The following SRRD variants were observed in gnomAD, a reference collection of about 807,000 sequenced individuals.
The protein encoded by SRRD is SRR1 domain containing.
A neutral mutation model predicts 30.7 loss-of-function variants in SRRD; 28 were observed. The observed-to-expected ratio is 0.91, with a 90% CI of 0.68 to 1.25. SRRD has a LOEUF of 1.25. SRRD is among the 50% of genes most tolerant of loss of function. The probability of loss-of-function intolerance (pLI) is 0.00; values close to 1 mark genes in which losing one functional copy is unlikely to be tolerated. For synonymous variants in SRRD, 161 were observed against 159.6 expected (o/e 1.01, Z -0.07); for missense variants, 415 against 417.3 (o/e 0.99, Z 0.05).
At position 26,491,817 on chromosome 22, in the gene SRRD, CAT is replaced by C. The variant is rs1329208117; in HGVS notation, c.*146_*147del. ...GTCCTGTTTTGAGGACGATACCCCACATGAGGACTTGGTATAAAGATTCCTGC... is the reference window on the plus strand; with the variant it reads ...GTCCTGTTTTGAGGACGATACCCCACGAGGACTTGGTATAAAGATTCCTGC... On this transcript the variant is annotated 3_prime_UTR_variant, in exon 7 of 7. Coordinates refer to ENST00000215917, the MANE Select transcript of SRRD (RefSeq NM_001013694.3). 3.3e-6 allele frequency: 3 copies of C among 919,354 alleles called. No individual in the cohort carries two copies. Among genetic ancestry groups the C allele is most frequent in the Non-Finnish European group, 4.8e-6 (3 of 622,750 alleles). The allele number at this position is 919,354 out of a possible 1,614,324, so 56.9% of individuals were successfully genotyped here. A position where few individuals can be genotyped will look rare whatever the true frequency, so the allele number is the denominator to read the frequency against.
intron 6 of SRRD, 156 bp downstream of exon 6, chr22:26,491,226 C>G (rs1921131501): frequency 1.3e-6 from 1 of 798,630 alleles, no homozygotes; most frequent in Non-Finnish European, 2.0e-6. Flanking sequence ...AGCTATGACT[C>G]TTTAATGCAT....
intron 4 of SRRD, 78 bp from the exon 5 acceptor site, chr22:26,489,966 C>G (rs1402838175): frequency 7.9e-6 from 12 of 1,519,440 alleles, no homozygotes; most frequent in Non-Finnish European, 9.9e-6. Context: ...ATGATTATCC[C>G]CATCCTTACC....
intron 4 of SRRD, among the ~76,000 whole-genome samples, chr22:26,489,780 T>A (rs1920982683): frequency 6.6e-6 from 1 of 152,174 alleles, no homozygotes; most frequent in Admixed American, 6.5e-5. Context: ...AGCCCCTCCA[T>A]CAGTGCAGGG....
Position 26,491,590 on chromosome 22 carries a change from T to G in SRRD, c.938T>G (p.Phe313Cys), listed in dbSNP as rs774122604. The G allele has an allele frequency of 6.2e-7, 1 of 1,614,198 alleles. No individual in the cohort carries two copies. Among genetic ancestry groups the G allele is most frequent in the Admixed American group, 1.7e-5 (1 of 60,020 alleles). ...LEQLSIDIWE[F>C]REEPDYQDCE... ...CAGCTCTCCATAGATATTTGGGAGT[T>G]TCGGGAAGAACCAGATTATCAGGAC... Residue 313 changes from phenylalanine to cysteine, a missense_variant, in exon 7 of 7, where the codon TTT becomes TGT. Phe to Cys is a radical substitution (Grantham distance 205). Coordinates refer to ENST00000215917, the MANE Select transcript of SRRD (RefSeq NM_001013694.3).
Position 26,491,739 on chromosome 22 carries a change from C to T in SRRD, c.*67C>T. 7.0e-7 allele frequency: 1 copy of T among 1,425,598 alleles called. No homozygotes were observed. The highest frequency in any genetic ancestry group is 9.6e-7 in the Non-Finnish European group (1 of 1,036,574). 88.3% of individuals were successfully genotyped at this position (1,425,598 alleles called of 1,614,324 possible). On this transcript the variant is annotated 3_prime_UTR_variant, in exon 7 of 7. Coordinates refer to ENST00000215917, the MANE Select transcript of SRRD (RefSeq NM_001013694.3). ...CCACCAGAGACTAAAGGGAAGGCTGCTATGGAGGAACTACAGAGAACTCCT... is the reference window on the plus strand; with the variant it reads ...CCACCAGAGACTAAAGGGAAGGCTGTTATGGAGGAACTACAGAGAACTCCT...
At chr22:26,488,368 A>G (rs1433123368) in intron 3 of SRRD, 22 bp from the exon 4 acceptor site, 1 of 1,613,884 alleles carries the variant, frequency 6.2e-7, no homozygotes, top group Admixed American at 1.7e-5. Flanking sequence ...GTTGAAGTAA[A>G]CAACTCATTC....
intron 5 of SRRD, 74 bp downstream of exon 5, chr22:26,490,272 A>C: frequency 6.5e-7 from 1 of 1,541,776 alleles, no homozygotes; most frequent in Non-Finnish European, 8.9e-7. Flanking sequence ...CACATGCAGA[A>C]AACATTTCCT....
chr22:26,494,197 G>A lies in SRRD; in HGVS notation c.*2525G>A. The stretch of plus-strand genomic sequence containing the variant: ...CAAGTGCCTCATTAAATTTGTCCTT[G>A]ACAGATGGATGTGCCAGCACTTGGT... On this transcript the variant is annotated 3_prime_UTR_variant, in exon 7 of 7. Transcript: ENST00000215917. 6.2e-7 allele frequency: 1 copy of A among 1,614,204 alleles called. No individual in the cohort carries two copies. The highest frequency in any genetic ancestry group is 8.5e-7 in the Non-Finnish European group (1 of 1,180,044).
rs556711733 is a variant in SRRD at position 26,494,040 on chromosome 22, G to A, written c.*2368G>A. 2.9e-6 allele frequency: 4 copies of A among 1,394,994 alleles called. No homozygotes were observed. The highest frequency in any genetic ancestry group is 3.9e-6 in the Non-Finnish European group (4 of 1,013,530). The allele number at this position is 1,394,994 out of a possible 1,614,324, so 86.4% of individuals were successfully genotyped here. A position where few individuals can be genotyped will look rare whatever the true frequency, so the allele number is the denominator to read the frequency against. On this transcript the variant is annotated 3_prime_UTR_variant, in exon 7 of 7. Transcript: ENST00000215917. ...TGCAAAAGTGTGACCTAAGGTTTAGGCTGCCTACAGGAACCAGAAAACTCT... is the reference window on the plus strand; with the variant it reads ...TGCAAAAGTGTGACCTAAGGTTTAGACTGCCTACAGGAACCAGAAAACTCT...
rs1002929798 is a variant in SRRD at position 26,493,881 on chromosome 22, G to C, written c.*2209G>C. 2 of 457,672 alleles carry C rather than the reference G, an allele frequency of 4.4e-6. No homozygotes were observed. The allele number at this position is 457,672 out of a possible 1,614,324, so 28.4% of individuals were successfully genotyped here. A position where few individuals can be genotyped will look rare whatever the true frequency, so the allele number is the denominator to read the frequency against. On this transcript the variant is annotated 3_prime_UTR_variant, in exon 7 of 7. Coordinates refer to ENST00000215917, the MANE Select transcript of SRRD (RefSeq NM_001013694.3). ...GTTAAGAGGGCGGGGCCTGGGGTTA[G>C]ACTGACATCATCTGAATCCAGCTTA...
intron 2 of SRRD, 151 bp downstream of exon 2, chr22:26,486,214 A>T: frequency 1.3e-6 from 1 of 792,414 alleles, no homozygotes; most frequent in Non-Finnish European, 2.1e-6. Flanking sequence ...CTTAATTCTG[A>T]TCCTCAGTTT....
intron 5 of SRRD, 109 bp downstream of exon 5, chr22:26,490,307 C>T (rs1921006205): frequency 7.9e-7 from 1 of 1,272,616 alleles, no homozygotes; most frequent in Admixed American, 2.3e-5. Flanking sequence ...TGGGGAAATG[C>T]TTTTCCACAG....
At position 26,492,191 on chromosome 22, in the gene SRRD, G is replaced by T; in HGVS notation, c.*519G>T. 6.2e-7 allele frequency: 1 copy of T among 1,614,196 alleles called. No homozygotes were observed. Among genetic ancestry groups the T allele is most frequent in the Non-Finnish European group, 8.5e-7 (1 of 1,180,044 alleles). On this transcript the variant is annotated 3_prime_UTR_variant, in exon 7 of 7. Transcript: ENST00000215917. ...GACAATGTTGTGCTCCTCAGCCTTG[G>T]TCTCAATGAGGTCCTTAAAGTTCAT...
Position 26,492,280 on chromosome 22 carries a change from C to G in SRRD, c.*608C>G. The G allele has an allele frequency of 6.2e-7, 1 of 1,614,256 alleles. No individual in the cohort carries two copies. The highest frequency in any genetic ancestry group is 8.5e-7 in the Non-Finnish European group (1 of 1,180,048). ...CCATGTTCTCAGCCTCCCGCCTCTC[C>G]TGCATGGCCTCGTACTGGAAGTCCT... On this transcript the variant is annotated 3_prime_UTR_variant, in exon 7 of 7. Coordinates refer to ENST00000215917, the MANE Select transcript of SRRD (RefSeq NM_001013694.3).
At position 26,494,099 on chromosome 22, in the gene SRRD, A is replaced by AAATTTG; in HGVS notation, c.*2427_*2428insAATTTG. ...GTCATTTACATGTGTAAAATCTGAA[A>AAATTTG]CTTGGGGCCAGGACATCCAAAATGG... is the stretch of plus-strand genomic sequence containing the variant. On this transcript the variant is annotated 3_prime_UTR_variant, in exon 7 of 7. Transcript: ENST00000215917. 1 of 1,606,472 alleles carries AAATTTG rather than the reference A, an allele frequency of 6.2e-7. No homozygotes were observed. Among genetic ancestry groups the AAATTTG allele is most frequent in the Non-Finnish European group, 8.5e-7 (1 of 1,175,154 alleles).
rs1921653990 is a variant in SRRD at position 26,494,403 on chromosome 22, C to G, written c.*2731C>G. The G allele has an allele frequency of 1.5e-6, 2 of 1,351,844 alleles. No homozygotes were observed. The highest frequency in any genetic ancestry group is 1.4e-5 in the African/African-American group (1 of 69,574). The allele number at this position is 1,351,844 out of a possible 1,614,324, so 83.7% of individuals were successfully genotyped here. A position where few individuals can be genotyped will look rare whatever the true frequency, so the allele number is the denominator to read the frequency against. On this transcript the variant is annotated 3_prime_UTR_variant, in exon 7 of 7. Transcript: ENST00000215917. ...TTTGTTTTGATCCTGGTCCTACAGG[C>G]TAGTGACACTACTTTACAGGGATTT...
At position 26,492,271 on chromosome 22, in the gene SRRD, C is replaced by G. The variant is rs1230502472; in HGVS notation, c.*599C>G. 6.2e-7 allele frequency: 1 copy of G among 1,614,238 alleles called. No homozygotes were observed. The highest frequency in any genetic ancestry group is 1.1e-5 in the South Asian group (1 of 91,092). ...CCCTCTGAGCCATGTTCTCAGCCTCCCGCCTCTCCTGCATGGCCTCGTACT... is the reference window on the plus strand; with the variant it reads ...CCCTCTGAGCCATGTTCTCAGCCTCGCGCCTCTCCTGCATGGCCTCGTACT... On this transcript the variant is annotated 3_prime_UTR_variant, in exon 7 of 7. Transcript: ENST00000215917.
chr22:26,490,226 C>T, intron 5 of SRRD, 28 bp downstream of exon 5: 2 of 1,613,132 alleles, frequency 1.2e-6, no homozygotes, highest in Non-Finnish European at 8.5e-7. Context: ...GAGATTCTGT[C>T]AGGCCCTGAG....
At chr22:26,489,788 G>A (rs1920982776) in intron 4 of SRRD, among the ~76,000 whole-genome samples, 1 of 152,166 alleles carries the variant, frequency 6.6e-6, no homozygotes, top group Non-Finnish European at 1.5e-5. Context: ...CATCAGTGCA[G>A]GGCTTTGTGT....
Sources: gnomAD v4.1 joint callset for allele counts (sites outside exome capture counted in the v4.1 genomes callset) on GRCh38, gnomAD v4.1.1 for gene constraint, MANE v1.5 for transcripts, NCBI Gene and HGNC (gene_info 2026-07-23, HGNC 2026-07-21) for gene names.